Variants in CCDC7 observed in about 807,000 individuals in gnomAD.
The protein encoded by CCDC7 is coiled-coil domain containing 7, also known as coiled-coil domain-containing protein 7.
CCDC7 carries 183 observed loss-of-function variants against 196.9 expected under a neutral mutation model. The ratio of observed to expected loss-of-function variants is 0.93; its 90% CI spans 0.82 to 1.05. The LOEUF is 1.05. CCDC7 is among the 50% of genes least tolerant of loss of function. The pLI is 0.00. For missense variants in CCDC7, 1,540 were observed against 1,482.2 expected (o/e 1.04, Z -0.64); for synonymous variants, 525 against 484.6 (o/e 1.08, Z -1.10).
chr10:32,747,932 A>G (rs183056534), intron 28 of CCDC7, among the ~76,000 whole-genome samples: 6 of 152,238 alleles, frequency 3.9e-5, no homozygotes, highest in African/African-American at 1.4e-4. Context: ...TCACAGCACT[A>G]TTGACAATAG....
At chr10:32,813,310 T>C (rs1046796129) in intron 30 of CCDC7, among the ~76,000 whole-genome samples, 1 of 152,206 alleles carries the variant, frequency 6.6e-6, no homozygotes, top group East Asian at 1.9e-4. Flanking sequence ...TTGAACTTAG[T>C]AGTTTCTAAT....
At chr10:32,687,525 G>T (rs984722731) in intron 22 of CCDC7, among the ~76,000 whole-genome samples, 10 of 152,116 alleles carry the variant, frequency 6.6e-5, no homozygotes, top group Middle Eastern at 3.2e-3. Flanking sequence ...TTTGGGTAAG[G>T]GTCATGTTTT....
At chr10:32,462,931 A>G in intron 4 of CCDC7, 86 bp from the exon 6 acceptor site, 3 of 1,565,234 alleles carry the variant, frequency 1.9e-6, no homozygotes, top group Non-Finnish European at 2.6e-6. Context: ...AGAGACACAG[A>G]CACACATTTA....
chr10:32,711,400 A>T (rs60542346), intron 24 of CCDC7, among the ~76,000 whole-genome samples: 6,476 of 152,208 alleles, frequency 0.043, 466 homozygotes, highest in African/African-American at 0.15. Context: ...AATATAAAAC[A>T]CATTTAATAT....
chr10:32,842,286 A>G (rs111675417), intron 33 of CCDC7, among the ~76,000 whole-genome samples: 21,923 of 151,982 alleles, frequency 0.14, 1,940 homozygotes, highest in African/African-American at 0.25. Flanking sequence ...GGCTAAGGAC[A>G]TGAATAGACA....
At chr10:32,729,076 G>A (rs1034159139) in intron 27 of CCDC7, 79 bp downstream of exon 28, 49 of 1,017,914 alleles carry the variant, frequency 4.8e-5, no homozygotes, top group Non-Finnish European at 7.1e-5. Flanking sequence ...TCGTCAGTGT[G>A]TACTTCAGAC....
intron 21 of CCDC7, among the ~76,000 whole-genome samples, chr10:32,665,722 A>G (rs1033775927): frequency 1.3e-5 from 2 of 152,022 alleles, no homozygotes; most frequent in African/African-American, 4.8e-5. Flanking sequence ...TTACATATGA[A>G]TTTTTGGATT....
At chr10:32,450,891 C>T (rs555937736), upstream of CCDC7, among the ~76,000 whole-genome samples, 17 of 152,270 alleles carry the variant, frequency 1.1e-4, no homozygotes, top group East Asian at 3.1e-3. Context: ...CTAAATGCCC[C>T]ATAAACAAAT....
chr10:32,799,000 T>C (rs896896237), intron 29 of CCDC7, among the ~76,000 whole-genome samples: 4 of 152,182 alleles, frequency 2.6e-5, no homozygotes, highest in Non-Finnish European at 4.4e-5. Flanking sequence ...CACTTCCTCA[T>C]GTAACTTACT....
chr10:32,795,085 G>A (rs1198192965), intron 29 of CCDC7, among the ~76,000 whole-genome samples: 2 of 152,150 alleles, frequency 1.3e-5, no homozygotes, highest in African/African-American at 4.8e-5. Context: ...GGTTTTCTCT[G>A]ACTTTCCTAT....
chr10:32,808,320 G>A (rs1046473718), intron 30 of CCDC7, among the ~76,000 whole-genome samples: 3 of 152,100 alleles, frequency 2.0e-5, no homozygotes, highest in African/African-American at 4.8e-5. Context: ...CCTCACAATA[G>A]GCCCAGAAAC....
rs548646692 is a variant in CCDC7, at chr10:32,506,445, A to G, written c.873-11500A>G. On this transcript the variant is annotated intron_variant, in intron 9 of 41. Transcript: ENST00000639629. ...GGCAGAGACGCTGCTCACTTCCTAG[A>G]CGGGGTGGCAGGCGGGCAGAAGCTG... 3.9e-5 allele frequency among the ~76,000 whole-genome samples: 6 copies of G among 152,326 alleles called. No homozygotes were observed. In the East Asian group the frequency reaches 9.7e-4, roughly 25 times the overall value.
chr10:32,623,569 C>T (rs1590739282), intron 18 of CCDC7: 1 of 335,218 alleles, frequency 3.0e-6, no homozygotes, highest in East Asian at 8.2e-5. Context: ...CTTCTACAAC[C>T]TGCTTCTCCC....
At chr10:32,507,130 C>G (rs2045313941) in intron 9 of CCDC7, among the ~76,000 whole-genome samples, 1 of 151,284 alleles carries the variant, frequency 6.6e-6, no homozygotes, top group South Asian at 2.1e-4. Context: ...GTAGCTGGGA[C>G]TACAAGTGCG....
intron 21 of CCDC7, among the ~76,000 whole-genome samples, chr10:32,680,427 CTT>C (rs34351891): frequency 1.8e-3 from 261 of 148,970 alleles, no homozygotes; most frequent in Non-Finnish European, 2.4e-3. Flanking sequence ...TATGTTCTTT[CTT>C]TTTTTTTTTA....
At chr10:32,702,230 C>G (rs954842441) in intron 24 of CCDC7, among the ~76,000 whole-genome samples, 1 of 152,056 alleles carries the variant, frequency 6.6e-6, no homozygotes, top group African/African-American at 2.4e-5. Flanking sequence ...CCTTTGTTCT[C>G]GTTGGTTTCA....
intron 11 of CCDC7, among the ~76,000 whole-genome samples, chr10:32,533,150 A>G (rs2049940335): frequency 6.6e-6 from 1 of 151,894 alleles, no homozygotes; most frequent in East Asian, 1.9e-4. Context: ...TGTGGTTACT[A>G]TTAGGCTTAC....
upstream of CCDC7, among the ~76,000 whole-genome samples, chr10:32,444,244 A>C (rs965534946): frequency 6.6e-6 from 1 of 152,254 alleles, no homozygotes; most frequent in Admixed American, 6.5e-5. Context: ...CCTTCATCAG[A>C]TGAAAAAGTT....
chr10:32,837,606 C>G (rs1162101335), intron 33 of CCDC7, among the ~76,000 whole-genome samples: 3 of 152,046 alleles, frequency 2.0e-5, no homozygotes, highest in African/African-American at 7.2e-5. Flanking sequence ...AAACAAGCTG[C>G]TATAAAGACA....
Sources: allele counts gnomAD v4.1 joint callset (sites outside exome capture counted in the v4.1 genomes callset), GRCh38; gene constraint gnomAD v4.1.1; transcripts MANE v1.5; gene names NCBI Gene and HGNC (gene_info 2026-07-23, HGNC 2026-07-21).